The following TMEM132D variants were observed in gnomAD, a reference collection of about 807,000 sequenced individuals.
TMEM132D encodes the protein transmembrane protein 132D.
A neutral mutation model predicts 62.3 loss-of-function variants in TMEM132D; 21 were observed. The observed-to-expected ratio is 0.34, with a 90% CI of 0.24 to 0.49. The LOEUF (loss-of-function observed/expected upper bound fraction) is 0.49, where lower values mean the gene tolerates loss of function less well. Among genes scored for constraint, TMEM132D ranks in the 20% least tolerant of loss-of-function variants. The probability of loss-of-function intolerance (pLI) is 0.99; values close to 1 mark genes in which losing one functional copy is unlikely to be tolerated. For synonymous variants in TMEM132D, 621 were observed against 575.6 expected (o/e 1.08, Z -1.13); for missense variants, 1,346 against 1,402.8 (o/e 0.96, Z 0.65).
chr12:129,415,320 G>A (rs369354529), intron 3 of TMEM132D, among the ~76,000 whole-genome samples: 69 of 152,100 alleles, frequency 4.5e-4, no homozygotes, highest in African/African-American at 1.4e-3. Context: ...TCCCCACATC[G>A]TCACCAACAC....
chr12:129,865,731 C>T (rs967860019), intron 1 of TMEM132D, among the ~76,000 whole-genome samples: 9 of 152,150 alleles, frequency 5.9e-5, no homozygotes, highest in African/African-American at 1.7e-4. Flanking sequence ...CCTCTATGCC[C>T]GGCACTGGTC....
intron 1 of TMEM132D, among the ~76,000 whole-genome samples, chr12:129,850,170 T>G (rs930243912): frequency 2.6e-5 from 4 of 152,142 alleles, no homozygotes; most frequent in Non-Finnish European, 4.4e-5. Context: ...TCTCTCTCTC[T>G]CCTCTCTGTC....
At chr12:129,482,156 C>T (rs1288023436) in intron 3 of TMEM132D, among the ~76,000 whole-genome samples, 1 of 152,202 alleles carries the variant, frequency 6.6e-6, no homozygotes, top group African/African-American at 2.4e-5. Context: ...ACGGGCATTC[C>T]CAGCTGAGCC....
chr12:129,592,174 C>A (rs1263558368), intron 2 of TMEM132D, among the ~76,000 whole-genome samples: 1 of 152,026 alleles, frequency 6.6e-6, no homozygotes, highest in African/African-American at 2.4e-5. Context: ...CAAAACTCTG[C>A]AGAATATAAT....
chr12:129,087,346 C>T (rs1874653427), intron 5 of TMEM132D, among the ~76,000 whole-genome samples: 1 of 151,816 alleles, frequency 6.6e-6, no homozygotes, highest in East Asian at 1.9e-4. Flanking sequence ...CGTATATATA[C>T]ACCACATTTT....
At chr12:129,092,303 CTTTTTTTTTT>C (rs3045890) in intron 5 of TMEM132D, among the ~76,000 whole-genome samples, 1 of 133,904 alleles carries the variant, frequency 7.5e-6, no homozygotes, top group African/African-American at 2.8e-5. Context: ...TCTCTCTTTC[CTTTTTTTTTT>C]TTTTTTGTTC....
At chr12:129,891,734 T>A (rs945042396) in intron 1 of TMEM132D, among the ~76,000 whole-genome samples, 6 of 152,202 alleles carry the variant, frequency 3.9e-5, no homozygotes, top group Non-Finnish European at 5.9e-5. Context: ...CCAGCAAACA[T>A]AGAAACTTTG....
intron 5 of TMEM132D, among the ~76,000 whole-genome samples, chr12:129,133,625 G>A (rs906706042): frequency 6.6e-6 from 1 of 152,312 alleles, no homozygotes; most frequent in East Asian, 1.9e-4. Flanking sequence ...TTATGATGGT[G>A]GTGGTGGACA....
intron 2 of TMEM132D, among the ~76,000 whole-genome samples, chr12:129,533,927 A>G (rs1309815214): frequency 2.6e-5 from 4 of 152,216 alleles, no homozygotes; most frequent in African/African-American, 9.6e-5. Flanking sequence ...AATCTATGTA[A>G]TAAACTGGAT....
chr12:129,603,491 T>G (rs2137144615), intron 2 of TMEM132D, among the ~76,000 whole-genome samples: 1 of 152,302 alleles, frequency 6.6e-6, no homozygotes, highest in East Asian at 1.9e-4. Flanking sequence ...AGCTCCCTTA[T>G]TTTTTGCACT....
intron 1 of TMEM132D, among the ~76,000 whole-genome samples, chr12:129,799,777 G>A (rs571631664): frequency 2.9e-4 from 44 of 152,304 alleles, no homozygotes; most frequent in East Asian, 1.9e-3. Context: ...ATGGAAGGGC[G>A]GAGGGAGACT....
chr12:129,117,203 T>C (rs1388928473), intron 5 of TMEM132D, among the ~76,000 whole-genome samples: 1 of 152,014 alleles, frequency 6.6e-6, no homozygotes, highest in Non-Finnish European at 1.5e-5. Context: ...ATATATTCTG[T>C]ATGACATTCT....
intron 4 of TMEM132D, among the ~76,000 whole-genome samples, chr12:129,238,507 A>C (rs1879846224): frequency 6.6e-6 from 1 of 152,228 alleles, no homozygotes; most frequent in Non-Finnish European, 1.5e-5. Flanking sequence ...AGCCCCTGGC[A>C]ATCACCATTC....
intron 4 of TMEM132D, among the ~76,000 whole-genome samples, chr12:129,296,775 G>A (rs1316990296): frequency 6.6e-6 from 1 of 152,184 alleles, no homozygotes; most frequent in African/African-American, 2.4e-5. Flanking sequence ...GGGGGTGTCA[G>A]CCCCCAGAGC....
At chr12:129,265,131 G>A (rs1880651707) in intron 4 of TMEM132D, among the ~76,000 whole-genome samples, 1 of 152,256 alleles carries the variant, frequency 6.6e-6, no homozygotes, top group South Asian at 2.1e-4. Flanking sequence ...AAGGACCTCT[G>A]AGCTGCCAGG....
At chr12:129,648,975 T>C (rs1879856790) in intron 2 of TMEM132D, among the ~76,000 whole-genome samples, 1 of 152,186 alleles carries the variant, frequency 6.6e-6, no homozygotes, top group South Asian at 2.1e-4. Context: ...GAGTTCCAAC[T>C]GACTCCGGAG....
intron 4 of TMEM132D, among the ~76,000 whole-genome samples, chr12:129,275,497 T>C (rs1880979008): frequency 6.6e-6 from 1 of 152,126 alleles, no homozygotes. Context: ...TTGCTAACTC[T>C]GACAAGAAAC....
chr12:129,807,476 C>G (rs894135993), intron 1 of TMEM132D, among the ~76,000 whole-genome samples: 1 of 152,222 alleles, frequency 6.6e-6, no homozygotes, highest in African/African-American at 2.4e-5. Context: ...AGTCTCCAGA[C>G]TCCTTTACTA....
At chr12:129,592,330 A>C (rs973197323) in intron 2 of TMEM132D, among the ~76,000 whole-genome samples, 2 of 152,214 alleles carry the variant, frequency 1.3e-5, no homozygotes, top group Admixed American at 1.3e-4. Flanking sequence ...GAAAAACTAA[A>C]AGGCACTCCC....
Sources: allele counts gnomAD v4.1 joint callset (sites outside exome capture counted in the v4.1 genomes callset), GRCh38; gene constraint gnomAD v4.1.1; transcripts MANE v1.5; gene names NCBI Gene and HGNC (gene_info 2026-07-23, HGNC 2026-07-21).